Variants in ROBO1 observed in about 807,000 individuals in gnomAD.
ROBO1 encodes the protein roundabout guidance receptor 1.
A neutral mutation model predicts 195.9 loss-of-function variants in ROBO1; 149 were observed. That is an observed-to-expected ratio of 0.76 (90% CI 0.67 to 0.87). The LOEUF (loss-of-function observed/expected upper bound fraction) is 0.87, where lower values mean the gene tolerates loss of function less well. Among genes scored for constraint, ROBO1 ranks in the 40% least tolerant of loss-of-function variants. The probability of loss-of-function intolerance (pLI) is 0.00; values close to 1 mark genes in which losing one functional copy is unlikely to be tolerated. For missense variants in ROBO1, 1,933 were observed against 2,068.3 expected, an observed-to-expected ratio of 0.93 and a Z score of 1.27; for synonymous variants, 816 against 733.2, an observed-to-expected ratio of 1.11 and a Z score of -1.82.
At chr3:79,199,861 T>A (rs1311964847) in intron 2 of ROBO1, among the ~76,000 whole-genome samples, 1 of 151,788 alleles carries the variant, frequency 6.6e-6, no homozygotes, top group East Asian at 1.9e-4. Flanking sequence ...GGTAAAGTGT[T>A]CTTGCCCTGT....
intron 3 of ROBO1, among the ~76,000 whole-genome samples, chr3:78,958,544 T>C (rs558567114): frequency 6.6e-6 from 1 of 152,270 alleles, no homozygotes; most frequent in South Asian, 2.1e-4. Flanking sequence ...TGCCTTCCGA[T>C]AAGTACCCTC....
intron 8 of ROBO1, among the ~76,000 whole-genome samples, chr3:78,704,859 T>C (rs879883398): frequency 1.3e-5 from 2 of 152,216 alleles, no homozygotes; most frequent in Non-Finnish European, 2.9e-5. Context: ...CAGTCATACA[T>C]TCACACAGTA....
At chr3:79,494,305 A>T (rs1311742390) in intron 2 of ROBO1, among the ~76,000 whole-genome samples, 1 of 152,208 alleles carries the variant, frequency 6.6e-6, no homozygotes, top group Non-Finnish European at 1.5e-5. Flanking sequence ...ACAATTAAGG[A>T]ATAAGCCACA....
chr3:78,953,718 G>C (rs2040904361), intron 3 of ROBO1, among the ~76,000 whole-genome samples: 1 of 151,960 alleles, frequency 6.6e-6, no homozygotes, highest in Non-Finnish European at 1.5e-5. Context: ...AGATGGTCTG[G>C]GTTCAAATCT....
chr3:79,145,778 ATT>A (rs957577755), intron 2 of ROBO1, among the ~76,000 whole-genome samples: 1 of 152,010 alleles, frequency 6.6e-6, no homozygotes, highest in African/African-American at 2.4e-5. Context: ...TCACACTGGC[ATT>A]ATTTCCTTCA....
chr3:78,938,367 C>A, intron 4 of ROBO1: 1 of 437,542 alleles, frequency 2.3e-6, no homozygotes, highest in Non-Finnish European at 4.1e-6. Context: ...AAAATCACTC[C>A]CAATCAAAAG....
chr3:79,530,914 G>T lies in ROBO1; in HGVS notation c.88+58910C>A, dbSNP rs189855730. ...CCCAGTTATTCTCCAGAGTCATCTT[G>T]CGGGACGTGACCCCTTGCTCTGTGC... On this transcript the variant is annotated intron_variant, in intron 2 of 30. Transcript: ENST00000464233. 2.6e-5 allele frequency among the ~76,000 whole-genome samples: 4 copies of T among 152,054 alleles called. No individual in the cohort carries two copies. In the East Asian group the frequency reaches 5.8e-4, roughly 22 times the overall value.
chr3:78,944,454 T>C (rs897512006), intron 3 of ROBO1, among the ~76,000 whole-genome samples: 1 of 152,230 alleles, frequency 6.6e-6, no homozygotes, highest in Non-Finnish European at 1.5e-5. Flanking sequence ...CAGCCATGCC[T>C]GCACCCTGAT....
intron 2 of ROBO1, among the ~76,000 whole-genome samples, chr3:79,528,363 A>G (rs1305747821): frequency 6.6e-6 from 1 of 152,158 alleles, no homozygotes; most frequent in Non-Finnish European, 1.5e-5. Context: ...TTACATTGCA[A>G]TGAGATTTGT....
At chr3:79,507,303 C>G (rs1173801228) in intron 2 of ROBO1, among the ~76,000 whole-genome samples, 3 of 152,156 alleles carry the variant, frequency 2.0e-5, no homozygotes, top group African/African-American at 7.2e-5. Flanking sequence ...GAGAACAACT[C>G]TATGTGAGTC....
intron 2 of ROBO1, among the ~76,000 whole-genome samples, chr3:79,355,713 A>T (rs2035525136): frequency 6.6e-6 from 1 of 152,148 alleles, no homozygotes; most frequent in Non-Finnish European, 1.5e-5. Flanking sequence ...CTCCAGGTTC[A>T]TCCATGTCGC....
At chr3:79,636,823 T>C (rs1215952231) in intron 1 of ROBO1, among the ~76,000 whole-genome samples, 1 of 152,138 alleles carries the variant, frequency 6.6e-6, no homozygotes, top group East Asian at 1.9e-4. Flanking sequence ...GCAACTAAGA[T>C]TTACAGGGAA....
At chr3:79,070,069 C>G (rs1032418302) in intron 3 of ROBO1, among the ~76,000 whole-genome samples, 1 of 151,360 alleles carries the variant, frequency 6.6e-6, no homozygotes, top group Non-Finnish European at 1.5e-5. Context: ...TATTTATTGA[C>G]TACTTTTAAA....
intron 3 of ROBO1, among the ~76,000 whole-genome samples, chr3:79,079,301 A>G (rs2079229119): frequency 6.6e-6 from 1 of 151,848 alleles, no homozygotes; most frequent in South Asian, 2.1e-4. Context: ...TTAAAGTTCC[A>G]AAAATAAAAT....
chr3:79,299,068 C>G (rs2032746802), intron 2 of ROBO1, among the ~76,000 whole-genome samples: 1 of 152,006 alleles, frequency 6.6e-6, no homozygotes, highest in South Asian at 2.1e-4. Flanking sequence ...AAGCTAAATA[C>G]TTTTTTGGCA....
At chr3:78,808,300 A>T (rs1321277089) in intron 4 of ROBO1, among the ~76,000 whole-genome samples, 2 of 151,900 alleles carry the variant, frequency 1.3e-5, no homozygotes, top group Non-Finnish European at 1.5e-5. Flanking sequence ...TGCCTCCCAG[A>T]TTCAAGCAAT....
intron 14 of ROBO1, among the ~76,000 whole-genome samples, chr3:78,665,454 AT>A (rs1707676188): frequency 6.6e-6 from 1 of 152,114 alleles, no homozygotes; most frequent in Admixed American, 6.6e-5. Flanking sequence ...AGACTTTTTA[AT>A]TTGCTCTATT....
At chr3:79,196,415 AAGAG>A (rs1403011817) in intron 2 of ROBO1, among the ~76,000 whole-genome samples, 1 of 151,254 alleles carries the variant, frequency 6.6e-6, no homozygotes, top group African/African-American at 2.4e-5. Flanking sequence ...GAAAGAAAGA[AAGAG>A]AGAGAAAATA....
intron 1 of ROBO1, among the ~76,000 whole-genome samples, chr3:79,604,991 C>T (rs145881479): frequency 2.6e-5 from 4 of 152,080 alleles, no homozygotes; most frequent in African/African-American, 9.6e-5. Context: ...GTTGTCTCTA[C>T]TCACTTTTTC....
Sources: gnomAD v4.1 joint callset for allele counts (sites outside exome capture counted in the v4.1 genomes callset) on GRCh38, gnomAD v4.1.1 for gene constraint, MANE v1.5 for transcripts, NCBI Gene and HGNC (gene_info 2026-07-23, HGNC 2026-07-21) for gene names.